Variants in KCNA6 observed in about 807,000 individuals in gnomAD.
KCNA6 encodes the protein human brain potassium channel-2.
A neutral mutation model predicts 29.5 loss-of-function variants in KCNA6; 17 were observed. The observed-to-expected ratio is 0.58, with a 90% CI of 0.39 to 0.86. The LOEUF (loss-of-function observed/expected upper bound fraction) is 0.86, where lower values mean the gene tolerates loss of function less well. Ranked by LOEUF, KCNA6 falls within the 40% of genes least tolerant of loss-of-function variation. The pLI, the probability that KCNA6 is intolerant of heterozygous loss-of-function variation, is 0.00. For synonymous variants in KCNA6, 296 were observed against 304.7 expected, an observed-to-expected ratio of 0.97 and a Z score of 0.30; for missense variants, 450 against 703.4, an observed-to-expected ratio of 0.64 and a Z score of 4.07.
chr12:4,832,720 G>C, the KCNA6 span, among the ~76,000 whole-genome samples: 1 of 152,144 alleles, frequency 6.6e-6, no homozygotes, highest in African/African-American at 2.4e-5. Context: ...AGAGGGTCCT[G>C]CCTCTCTCAA....
At chr12:4,829,084 C>T in the KCNA6 span, among the ~76,000 whole-genome samples, 1 of 152,170 alleles carries the variant, frequency 6.6e-6, no homozygotes, top group East Asian at 1.9e-4. Context: ...GCAAGAAAGC[C>T]TGAACAATCT....
the KCNA6 span, among the ~76,000 whole-genome samples, chr12:4,846,750 T>C: frequency 1.4e-5 from 2 of 147,158 alleles, no homozygotes; most frequent in Non-Finnish European, 3.0e-5. Context: ...GCTTCACCAC[T>C]GTCCTGGAAC....
At chr12:4,828,439 C>T in the KCNA6 span, among the ~76,000 whole-genome samples, 1 of 152,234 alleles carries the variant, frequency 6.6e-6, no homozygotes, top group South Asian at 2.1e-4. Flanking sequence ...CTACAACGAA[C>T]ACTTGTAGTG....
At chr12:4,821,337 C>T in the KCNA6 span, among the ~76,000 whole-genome samples, 1 of 152,124 alleles carries the variant, frequency 6.6e-6, no homozygotes, top group Admixed American at 6.5e-5. Flanking sequence ...GGGGAAGGAT[C>T]GCGTTCACCC....
At chr12:4,844,214 A>C in the KCNA6 span, among the ~76,000 whole-genome samples, 4 of 152,256 alleles carry the variant, frequency 2.6e-5, no homozygotes, top group Non-Finnish European at 4.4e-5. This position sits in a 1 kb window ranked among gnomAD's most constrained non-coding sequence, Gnocchi z 4.0. Flanking sequence ...TAGCAAACAG[A>C]ATTCCCTGTC....
At chr12:4,830,129 G>T in the KCNA6 span, among the ~76,000 whole-genome samples, 3 of 152,150 alleles carry the variant, frequency 2.0e-5, no homozygotes, top group African/African-American at 7.2e-5. Context: ...TGCTCAGAGG[G>T]CCTCTCTCTG....
At chr12:4,815,329 T>C (rs1255551032), downstream of KCNA6, among the ~76,000 whole-genome samples, 1 of 152,220 alleles carries the variant, frequency 6.6e-6, no homozygotes, top group African/African-American at 2.4e-5. Flanking sequence ...TTTCCTACCA[T>C]GCTCACCTCT....
chr12:4,823,233 T>TA, the KCNA6 span, among the ~76,000 whole-genome samples: 1 of 152,082 alleles, frequency 6.6e-6, no homozygotes, highest in East Asian at 1.9e-4. Flanking sequence ...CTTTCACATT[T>TA]AAAAAACTAC....
At chr12:4,827,848 A>G in the KCNA6 span, among the ~76,000 whole-genome samples, 4 of 152,274 alleles carry the variant, frequency 2.6e-5, no homozygotes, top group African/African-American at 9.6e-5. Flanking sequence ...TCCTACTCTT[A>G]GTGCAGCCTC....
the KCNA6 span, among the ~76,000 whole-genome samples, chr12:4,833,649 T>C: frequency 9.2e-5 from 14 of 152,226 alleles, no homozygotes; most frequent in Admixed American, 8.5e-4. Context: ...CTTGCTTGGC[T>C]TTTTGCCTCA....
chr12:4,843,446 C>CT, the KCNA6 span, among the ~76,000 whole-genome samples: 36 of 152,180 alleles, frequency 2.4e-4, no homozygotes, highest in Admixed American at 1.8e-3. Context: ...TCCCAAAGTG[C>CT]TGGGACTACA....
chr12:4,846,321 G>A, the KCNA6 span, among the ~76,000 whole-genome samples: 2 of 151,926 alleles, frequency 1.3e-5, no homozygotes, highest in Non-Finnish European at 2.9e-5. Flanking sequence ...TTCCAACTAT[G>A]GAAGATAAGG....
At chr12:4,834,046 G>A in the KCNA6 span, among the ~76,000 whole-genome samples, 37,304 of 150,912 alleles carry the variant, frequency 0.25, 4,890 homozygotes, top group Middle Eastern at 0.38. Flanking sequence ...CTCTCACCTC[G>A]GCCTCCTGAA....
chr12:4,821,596 C>A, the KCNA6 span, among the ~76,000 whole-genome samples: 1 of 152,224 alleles, frequency 6.6e-6, no homozygotes, highest in Non-Finnish European at 1.5e-5. Flanking sequence ...TCAACTGTCA[C>A]TTGTGGCTTG....
chr12:4,848,755 A>G, the KCNA6 span, among the ~76,000 whole-genome samples: 1 of 152,076 alleles, frequency 6.6e-6, no homozygotes, highest in South Asian at 2.1e-4. Flanking sequence ...GTTGATCCCA[A>G]CTTTTTAATC....
chr12:4,840,485 G>A, the KCNA6 span, among the ~76,000 whole-genome samples: 1 of 152,178 alleles, frequency 6.6e-6, no homozygotes, highest in Non-Finnish European at 1.5e-5. Context: ...ATAAACTGTA[G>A]CCCTAACTTG....
chr12:4,830,100 C>T, the KCNA6 span, among the ~76,000 whole-genome samples: 1 of 152,208 alleles, frequency 6.6e-6, no homozygotes, highest in South Asian at 2.1e-4. Flanking sequence ...CACATCTTTT[C>T]TACTGCAGCC....
the KCNA6 span, among the ~76,000 whole-genome samples, chr12:4,847,978 G>T: frequency 2.6e-4 from 39 of 152,232 alleles, 1 homozygote; most frequent in African/African-American, 8.9e-4. Flanking sequence ...AGCAGAGCAG[G>T]GGAAGTGGCC....
the KCNA6 span, among the ~76,000 whole-genome samples, chr12:4,848,513 G>A: frequency 1.7e-3 from 109 of 64,804 alleles, no homozygotes; most frequent in African/African-American, 7.3e-3. Context: ...TCAGGAGGGA[G>A]CAAAAAAAAA....
Sources: gnomAD v4.1 joint callset for allele counts (sites outside exome capture counted in the v4.1 genomes callset) on GRCh38, gnomAD v4.1.1 for gene constraint, Gnocchi (gnomAD v3.1) non-coding constraint, MANE v1.5 for transcripts, NCBI Gene and HGNC (gene_info 2026-07-23, HGNC 2026-07-21) for gene names.